Variants in SEMA3C observed in about 807,000 individuals in gnomAD.
The protein encoded by SEMA3C is semaphorin-3C.
In SEMA3C, 47 loss-of-function variants were observed where a neutral mutation model predicts 89.4. That is an observed-to-expected ratio of 0.53 (90% CI 0.42 to 0.67). The LOEUF (loss-of-function observed/expected upper bound fraction) is 0.67, where lower values mean the gene tolerates loss of function less well. Ranked by LOEUF, SEMA3C falls within the 30% of genes least tolerant of loss-of-function variation. The pLI, the probability that SEMA3C is intolerant of heterozygous loss-of-function variation, is 0.00. For synonymous variants in SEMA3C, 310 were observed against 320.2 expected, an observed-to-expected ratio of 0.97 and a Z score of 0.34; for missense variants, 839 against 929.1, an observed-to-expected ratio of 0.90 and a Z score of 1.26.
At chr7:80,830,041 T>C (rs1488080282) in intron 2 of SEMA3C, among the ~76,000 whole-genome samples, 2 of 152,196 alleles carry the variant, frequency 1.3e-5, no homozygotes, top group East Asian at 1.9e-4. Context: ...TGGACTATAT[T>C]CCATGAGTAC....
At chr7:80,804,388 C>G (rs1789288288) in intron 7 of SEMA3C, 140 bp from the exon 8 acceptor site, 1 of 487,212 alleles carries the variant, frequency 2.1e-6, no homozygotes, top group Non-Finnish European at 3.5e-6. Flanking sequence ...TTTCTAAAAG[C>G]AGTAATTGCA....
chr7:80,820,560 T>G (rs544052874), intron 4 of SEMA3C, among the ~76,000 whole-genome samples: 1 of 152,220 alleles, frequency 6.6e-6, no homozygotes, highest in African/African-American at 2.4e-5. Context: ...GTTTCTATGA[T>G]AGATTTTTAT....
chr7:80,828,338 T>G (rs544331036), intron 3 of SEMA3C, among the ~76,000 whole-genome samples: 1 of 152,172 alleles, frequency 6.6e-6, no homozygotes, highest in Non-Finnish European at 1.5e-5. Context: ...CTTTATATAT[T>G]TATACACAGG....
At chr7:80,896,032 TTG>T (rs554276765) in intron 2 of SEMA3C, among the ~76,000 whole-genome samples, 9 of 151,780 alleles carry the variant, frequency 5.9e-5, no homozygotes, top group Non-Finnish European at 1.3e-4. Context: ...TGAATGAGAG[TTG>T]TGTTTAGTTT....
chr7:80,800,613 A>G, intron 10 of SEMA3C, 144 bp downstream of exon 10: 1 of 494,810 alleles, frequency 2.0e-6, no homozygotes, highest in East Asian at 3.5e-5. Flanking sequence ...TTTGGTAATC[A>G]GGCAAAAGTA....
intron 2 of SEMA3C, among the ~76,000 whole-genome samples, chr7:80,883,070 C>T (rs140895920): frequency 6.6e-6 from 1 of 152,198 alleles, no homozygotes; most frequent in Admixed American, 6.5e-5. Flanking sequence ...AGGTAAATTG[C>T]TTTGAATGAC....
chr7:80,759,514 GAT>G (rs1788137773), intron 14 of SEMA3C, among the ~76,000 whole-genome samples: 1 of 152,228 alleles, frequency 6.6e-6, no homozygotes, highest in East Asian at 1.9e-4. Flanking sequence ...GTAAAATTAG[GAT>G]AACACAGCAC....
intron 2 of SEMA3C, among the ~76,000 whole-genome samples, chr7:80,831,107 G>A (rs2115828563): frequency 6.6e-6 from 1 of 152,290 alleles, no homozygotes; most frequent in South Asian, 2.1e-4. Context: ...TGCTTGGGCT[G>A]CTGGAATACA....
At chr7:80,890,151 C>A (rs1267397183) in intron 2 of SEMA3C, among the ~76,000 whole-genome samples, 1 of 152,078 alleles carries the variant, frequency 6.6e-6, no homozygotes, top group East Asian at 1.9e-4. Flanking sequence ...ATTTTCAGTA[C>A]ATAAATCTTT....
intron 2 of SEMA3C, among the ~76,000 whole-genome samples, chr7:80,847,098 G>A (rs1790407857): frequency 6.6e-6 from 1 of 152,172 alleles, no homozygotes; most frequent in African/African-American, 2.4e-5. Flanking sequence ...ATAGTTTAGA[G>A]AGACTGGAAG....
chr7:80,884,537 A>C (rs1791427382), intron 2 of SEMA3C, among the ~76,000 whole-genome samples: 1 of 152,210 alleles, frequency 6.6e-6, no homozygotes, highest in African/African-American at 2.4e-5. Flanking sequence ...TCTGTAGTGA[A>C]GATAAGTAGC....
chr7:80,919,301 G>C, upstream of SEMA3C: 1 of 985,144 alleles, frequency 1.0e-6, no homozygotes, highest in Non-Finnish European at 1.2e-6. Context: ...GCAAGAATGC[G>C]CGGCCGCAGG....
At chr7:80,905,595 C>A (rs1473923283) in intron 2 of SEMA3C, among the ~76,000 whole-genome samples, 1 of 152,114 alleles carries the variant, frequency 6.6e-6, no homozygotes, top group Admixed American at 6.5e-5. Context: ...ATAAGCTCAT[C>A]CCGGGCATTC....
intron 2 of SEMA3C, among the ~76,000 whole-genome samples, chr7:80,900,776 AACT>A (rs1791859639): frequency 2.0e-5 from 3 of 152,224 alleles, no homozygotes; most frequent in Admixed American, 2.0e-4. Context: ...ACTAAAAAGT[AACT>A]CTATATAACA....
intron 10 of SEMA3C, among the ~76,000 whole-genome samples, chr7:80,798,649 T>C (rs1004382723): frequency 5.9e-5 from 9 of 152,216 alleles, no homozygotes; most frequent in African/African-American, 1.9e-4. Context: ...TTGAACACCA[T>C]ATCTTTTTGT....
At chr7:80,825,108 A>C (rs1789840735) in intron 4 of SEMA3C, among the ~76,000 whole-genome samples, 1 of 152,198 alleles carries the variant, frequency 6.6e-6, no homozygotes, top group Non-Finnish European at 1.5e-5. Context: ...CGTTTCATTG[A>C]GAAATGTAAG....
intron 2 of SEMA3C, among the ~76,000 whole-genome samples, chr7:80,857,865 T>A (rs1183814448): frequency 6.6e-6 from 1 of 152,154 alleles, no homozygotes; most frequent in African/African-American, 2.4e-5. Context: ...TACAGTGTCT[T>A]AGTTGCATGT....
chr7:80,845,474 CA>C (rs1235833453), intron 2 of SEMA3C, among the ~76,000 whole-genome samples: 1 of 152,022 alleles, frequency 6.6e-6, no homozygotes, highest in Non-Finnish European at 1.5e-5. Context: ...TAAAGACAAG[CA>C]GCGAATGGCA....
At chr7:80,914,980 C>G (rs1228250249) in intron 2 of SEMA3C, among the ~76,000 whole-genome samples, 1 of 152,050 alleles carries the variant, frequency 6.6e-6, no homozygotes, top group South Asian at 2.1e-4. Context: ...TTCATTATCT[C>G]TAGTAACACA....
Sources: allele counts gnomAD v4.1 joint callset (sites outside exome capture counted in the v4.1 genomes callset), GRCh38; gene constraint gnomAD v4.1.1; transcripts MANE v1.5; gene names NCBI Gene and HGNC (gene_info 2026-07-23, HGNC 2026-07-21).